FSTL5: variants seen among roughly 807,000 people sequenced by gnomAD.
FSTL5 encodes follistatin like 5.
FSTL5 carries 62 observed loss-of-function variants against 89.1 expected under a neutral mutation model. The observed-to-expected ratio is 0.70, with a 90% CI of 0.57 to 0.86. The LOEUF (loss-of-function observed/expected upper bound fraction) is 0.86. FSTL5 is among the 40% of genes least tolerant of loss of function. The pLI is 0.00. For missense variants in FSTL5, 1,057 were observed against 1,001.6 expected (o/e 1.06, Z -0.75); for synonymous variants, 383 against 346.2 (o/e 1.11, Z -1.18).
At chr4:162,008,970 AAAAT>A (rs1373103235) in intron 3 of FSTL5, among the ~76,000 whole-genome samples, 5 of 152,094 alleles carry the variant, frequency 3.3e-5, no homozygotes, top group African/African-American at 1.2e-4. Context: ...TTGAAAATTA[AAAAT>A]AAATAAAATG....
intron 6 of FSTL5, among the ~76,000 whole-genome samples, chr4:161,726,781 T>C (rs902008065): frequency 6.6e-6 from 1 of 151,940 alleles, no homozygotes; most frequent in African/African-American, 2.4e-5. Context: ...TATACATATA[T>C]ATATTTCCTC....
intron 7 of FSTL5, among the ~76,000 whole-genome samples, chr4:161,640,678 C>T: frequency 7.0e-6 from 1 of 142,030 alleles, no homozygotes; most frequent in Non-Finnish European, 1.5e-5. Context: ...TGTAGAATAC[C>T]ATCAAGAGTT....
chr4:162,108,217 T>A (rs777298554), intron 2 of FSTL5, among the ~76,000 whole-genome samples: 2 of 152,150 alleles, frequency 1.3e-5, no homozygotes, highest in Admixed American at 1.3e-4. Flanking sequence ...GTGTCATTCA[T>A]TTCTATCTCA....
intron 3 of FSTL5, among the ~76,000 whole-genome samples, chr4:162,011,163 A>G (rs1479828179): frequency 1.3e-5 from 2 of 152,098 alleles, no homozygotes; most frequent in Non-Finnish European, 2.9e-5. Context: ...GATGCCTGGA[A>G]GGTTGGGGGT....
chr4:161,781,441 T>C (rs963104351), intron 4 of FSTL5, among the ~76,000 whole-genome samples: 9 of 152,162 alleles, frequency 5.9e-5, no homozygotes, highest in African/African-American at 2.2e-4. Context: ...TACAGGTATA[T>C]ATAATAAAGT....
rs528557843 is a variant in FSTL5, at chr4:161,920,726, G to A, written c.161-74C>T. 1.9e-5 allele frequency: 27 copies of A among 1,412,228 alleles called. No individual in the cohort carries two copies. In the African/African-American group the frequency reaches 3.2e-4, roughly 17 times the overall value. The allele number at this position is 1,412,228 out of a possible 1,614,324, so 87.5% of individuals were successfully genotyped here. The stretch of plus-strand genomic sequence containing the variant: ...TAATATATATATTTCAGAGTATCAA[G>A]TGGAAAACAAGTGTTCTAAGAAAAG... On this transcript the variant is annotated intron_variant, in intron 3 of 15. Coordinates refer to ENST00000306100, the MANE Select transcript of FSTL5 (RefSeq NM_020116.5).
At chr4:162,059,587 T>G (rs1033742457) in intron 2 of FSTL5, among the ~76,000 whole-genome samples, 90 of 152,242 alleles carry the variant, frequency 5.9e-4, no homozygotes, top group African/African-American at 2.1e-3. Flanking sequence ...TTCACTTCAT[T>G]CCTTTCAGAA....
intron 6 of FSTL5, among the ~76,000 whole-genome samples, chr4:161,671,073 T>C (rs964463124): frequency 6.6e-6 from 1 of 152,198 alleles, no homozygotes; most frequent in African/African-American, 2.4e-5. Context: ...AATCAGCTAA[T>C]GAATTGCCCT....
intron 6 of FSTL5, among the ~76,000 whole-genome samples, chr4:161,723,057 G>A (rs943009185): frequency 6.6e-6 from 1 of 152,104 alleles, no homozygotes; most frequent in Non-Finnish European, 1.5e-5. Context: ...CAGCCAGAAA[G>A]TACATTTCTG....
chr4:161,670,222 G>A (rs1290345498), intron 6 of FSTL5, among the ~76,000 whole-genome samples: 1 of 152,162 alleles, frequency 6.6e-6, no homozygotes, highest in East Asian at 1.9e-4. Context: ...AATCAGAAGA[G>A]TTCACAGCGA....
intron 2 of FSTL5, among the ~76,000 whole-genome samples, chr4:162,048,051 G>T (rs1412684943): frequency 6.6e-6 from 1 of 152,120 alleles, no homozygotes; most frequent in Non-Finnish European, 1.5e-5. Context: ...TCCCAGCCAG[G>T]TGTGGCGGGT....
At chr4:162,152,046 C>G (rs1733243963) in intron 1 of FSTL5, among the ~76,000 whole-genome samples, 1 of 152,106 alleles carries the variant, frequency 6.6e-6, no homozygotes, top group Non-Finnish European at 1.5e-5. Context: ...GGCACACAGT[C>G]CGACTACAGA....
intron 2 of FSTL5, among the ~76,000 whole-genome samples, chr4:162,076,100 T>C (rs1315181016): frequency 1.3e-5 from 2 of 151,876 alleles, no homozygotes; most frequent in Non-Finnish European, 2.9e-5. Context: ...ATTCTTGGAA[T>C]CTCAAGCACA....
At chr4:161,975,794 TA>T in intron 3 of FSTL5, among the ~76,000 whole-genome samples, 1 of 143,542 alleles carries the variant, frequency 7.0e-6, no homozygotes, top group East Asian at 2.0e-4. Context: ...TAAAATAAAA[TA>T]AAATAAAAAA....
chr4:161,685,345 T>A (rs1737676460), intron 6 of FSTL5, among the ~76,000 whole-genome samples: 1 of 152,170 alleles, frequency 6.6e-6, no homozygotes, highest in African/African-American at 2.4e-5. Flanking sequence ...GGCAGTATGG[T>A]CGTTTTCACA....
intron 7 of FSTL5, among the ~76,000 whole-genome samples, chr4:161,655,077 C>T (rs1164945493): frequency 6.6e-6 from 1 of 152,050 alleles, no homozygotes; most frequent in Non-Finnish European, 1.5e-5. Context: ...ATTAATATTT[C>T]TTATTTCGAA....
chr4:162,116,804 A>G (rs1361889281), intron 1 of FSTL5, among the ~76,000 whole-genome samples: 1 of 152,226 alleles, frequency 6.6e-6, no homozygotes, highest in Non-Finnish European at 1.5e-5. Context: ...TTACCCTGCC[A>G]CAACTCCATA....
intron 4 of FSTL5, among the ~76,000 whole-genome samples, chr4:161,893,759 G>A (rs1164423766): frequency 6.6e-6 from 1 of 152,152 alleles, no homozygotes; most frequent in East Asian, 1.9e-4. Flanking sequence ...TGACTGATTT[G>A]CAGTATCAGC....
intron 6 of FSTL5, among the ~76,000 whole-genome samples, chr4:161,756,196 C>T (rs1404458370): frequency 6.7e-6 from 1 of 150,368 alleles, no homozygotes; most frequent in Non-Finnish European, 1.5e-5. Context: ...ATTATTTCCA[C>T]TAAATGATGT....
Sources: gnomAD v4.1 joint callset for allele counts (sites outside exome capture counted in the v4.1 genomes callset) on GRCh38, gnomAD v4.1.1 for gene constraint, MANE v1.5 for transcripts, NCBI Gene and HGNC (gene_info 2026-07-23, HGNC 2026-07-21) for gene names.